Variants in PACRG observed in about 807,000 individuals in gnomAD.
The protein encoded by PACRG is parkin coregulated.
In PACRG, 29 loss-of-function variants were observed where a neutral mutation model predicts 29.7. The ratio of observed to expected loss-of-function variants is 0.98; its 90% CI spans 0.73 to 1.33. PACRG has a LOEUF of 1.33. Ranked by LOEUF, PACRG falls within the 40% of genes most tolerant of loss-of-function variation. The probability of loss-of-function intolerance (pLI) is 0.00; values close to 1 mark genes in which losing one functional copy is unlikely to be tolerated. For synonymous variants in PACRG, 116 were observed against 118.7 expected, an observed-to-expected ratio of 0.98 and a Z score of 0.15; for missense variants, 279 against 316.2, an observed-to-expected ratio of 0.88 and a Z score of 0.89.
chr6:163,305,149 G>T (rs1785149267), intron 4 of PACRG, among the ~76,000 whole-genome samples: 2 of 152,246 alleles, frequency 1.3e-5, no homozygotes, highest in South Asian at 4.1e-4. Flanking sequence ...GGGGCCATCT[G>T]AGGGCCTCCA....
Position 162,803,073 on chromosome 6 carries a change from A to AC in PACRG, c.157-11068dup, listed in dbSNP as rs561514736. ...TCTTCAGATGTCCAGTTGTTCAGTG[A>AC]CCCCCCAAGTTGTTTACCCCACAGG... is the stretch of plus-strand genomic sequence containing the variant. On this transcript the variant is annotated intron_variant, in intron 1 of 4. Coordinates refer to ENST00000366888, the MANE Select transcript of PACRG (RefSeq NM_001080379.2). Among the ~76,000 whole-genome samples, 552 of 151,926 alleles carry AC rather than the reference A, an allele frequency of 3.6e-3. 5 individuals are homozygous for AC. The highest frequency in any genetic ancestry group is 0.019 in the East Asian group (98 of 5,158).
At chr6:162,878,207 C>A (rs1470096296) in intron 2 of PACRG, among the ~76,000 whole-genome samples, 5 of 152,052 alleles carry the variant, frequency 3.3e-5, no homozygotes, top group African/African-American at 1.2e-4. Flanking sequence ...GATGCAATAT[C>A]ACAATTCACA....
chr6:162,737,907 C>G (rs182783131), intron 1 of PACRG, among the ~76,000 whole-genome samples: 1 of 152,140 alleles, frequency 6.6e-6, no homozygotes, highest in Non-Finnish European at 1.5e-5. Flanking sequence ...AGCCATCTCA[C>G]TAACCAATGT....
chr6:163,207,620 G>A (rs1271369617), intron 4 of PACRG, among the ~76,000 whole-genome samples: 2 of 152,174 alleles, frequency 1.3e-5, no homozygotes, highest in African/African-American at 2.4e-5. Context: ...ATGATGAGAT[G>A]CTTGAGGGAG....
chr6:162,837,788 G>C (rs1161554271), intron 2 of PACRG, among the ~76,000 whole-genome samples: 2 of 152,102 alleles, frequency 1.3e-5, no homozygotes, highest in African/African-American at 4.8e-5. Context: ...AACTAGAGGG[G>C]CCTCACACAA....
intron 1 of PACRG, among the ~76,000 whole-genome samples, chr6:162,799,319 T>C (rs1785648656): frequency 2.0e-5 from 3 of 152,332 alleles, no homozygotes; most frequent in Middle Eastern, 6.8e-3. Context: ...GCTGTTTAGG[T>C]ACATGTTCAT....
intron 2 of PACRG, among the ~76,000 whole-genome samples, chr6:162,879,315 A>G (rs1793634285): frequency 6.6e-6 from 1 of 152,248 alleles, no homozygotes; most frequent in East Asian, 1.9e-4. Flanking sequence ...GTAACACAGT[A>G]AAACTATCCA....
At chr6:163,174,497 A>T (rs1779251222) in intron 4 of PACRG, among the ~76,000 whole-genome samples, 1 of 152,236 alleles carries the variant, frequency 6.6e-6, no homozygotes, top group South Asian at 2.1e-4. Flanking sequence ...GAGAGACTGT[A>T]TAGAATCATA....
chr6:162,727,582 G>A (rs1779338149), upstream of PACRG: 3 of 1,447,726 alleles, frequency 2.1e-6, no homozygotes, highest in East Asian at 2.5e-5. Flanking sequence ...CGGGGGTCCT[G>A]GTCGGCCGAG....
chr6:163,058,476 A>G (rs1810787387), intron 2 of PACRG, among the ~76,000 whole-genome samples: 1 of 152,222 alleles, frequency 6.6e-6, no homozygotes, highest in Non-Finnish European at 1.5e-5. Flanking sequence ...ACAGGTCATA[A>G]AAAGAACTAA....
intron 4 of PACRG, among the ~76,000 whole-genome samples, chr6:163,258,501 T>C (rs1001800642): frequency 6.6e-6 from 1 of 152,212 alleles, no homozygotes; most frequent in African/African-American, 2.4e-5. Context: ...CTCACGCCTA[T>C]AATCCCAGCA....
At chr6:163,216,670 C>T (rs1478285414) in intron 4 of PACRG, among the ~76,000 whole-genome samples, 2 of 152,112 alleles carry the variant, frequency 1.3e-5, no homozygotes, top group Admixed American at 6.5e-5. Flanking sequence ...TACACACATG[C>T]GTGTGCATAC....
intron 2 of PACRG, among the ~76,000 whole-genome samples, chr6:162,987,446 A>G (rs569477817): frequency 2.0e-5 from 3 of 152,212 alleles, no homozygotes; most frequent in East Asian, 1.9e-4. Flanking sequence ...TAATCTCCAC[A>G]TGTCATGGGA....
chr6:162,931,074 G>A (rs1797819131), intron 2 of PACRG, among the ~76,000 whole-genome samples: 2 of 151,794 alleles, frequency 1.3e-5, no homozygotes, highest in Middle Eastern at 3.4e-3. Context: ...TGGTATCAGA[G>A]TAATGCTAGC....
chr6:163,035,095 C>G (rs1343871027), intron 2 of PACRG, among the ~76,000 whole-genome samples: 1 of 152,076 alleles, frequency 6.6e-6, no homozygotes, highest in African/African-American at 2.4e-5. Context: ...GACCAGAGGT[C>G]ACTCTCATCG....
intron 3 of PACRG, among the ~76,000 whole-genome samples, chr6:163,071,369 C>G (rs1002153461): frequency 3.3e-5 from 5 of 152,052 alleles, no homozygotes; most frequent in Middle Eastern, 3.4e-3. Context: ...TGGACTAAAA[C>G]TAGAAATCAA....
chr6:162,861,842 T>C (rs1485926388), intron 2 of PACRG, among the ~76,000 whole-genome samples: 1 of 152,304 alleles, frequency 6.6e-6, no homozygotes, highest in South Asian at 2.1e-4. Flanking sequence ...TCCTCTTCCA[T>C]TGGTGTTCAT....
At chr6:163,165,872 G>C (rs564732801) in intron 4 of PACRG, 7 of 351,218 alleles carry the variant, frequency 2.0e-5, no homozygotes, top group South Asian at 1.3e-4. Flanking sequence ...TGGGGCGACA[G>C]GGGGAGAGAA....
At chr6:163,186,325 T>C (rs1389174062) in intron 4 of PACRG, among the ~76,000 whole-genome samples, 1 of 152,134 alleles carries the variant, frequency 6.6e-6, no homozygotes, top group Non-Finnish European at 1.5e-5. Flanking sequence ...GTCTCCACTC[T>C]CAGACACCCT....
Sources: allele counts gnomAD v4.1 joint callset (sites outside exome capture counted in the v4.1 genomes callset), GRCh38; gene constraint gnomAD v4.1.1; transcripts MANE v1.5; gene names NCBI Gene and HGNC (gene_info 2026-07-23, HGNC 2026-07-21).